ARAP2: variants seen among roughly 807,000 people sequenced by gnomAD.
ARAP2 encodes ArfGAP with RhoGAP domain, ankyrin repeat and PH domain 2, also known as arf-GAP with Rho-GAP domain, ANK repeat and PH domain-containing protein 2.
ARAP2 carries 148 observed loss-of-function variants against 194.5 expected under a neutral mutation model. The ratio of observed to expected loss-of-function variants is 0.76; its 90% CI spans 0.67 to 0.87. The LOEUF (loss-of-function observed/expected upper bound fraction) is 0.87, where lower values mean the gene tolerates loss of function less well. Ranked by LOEUF, ARAP2 falls within the 40% of genes least tolerant of loss-of-function variation. The pLI is 0.00. For missense variants in ARAP2, 2,128 were observed against 1,989.7 expected, an observed-to-expected ratio of 1.07 and a Z score of -1.32; for synonymous variants, 695 against 683.5, an observed-to-expected ratio of 1.02 and a Z score of -0.26.
Position 36,121,266 on chromosome 4 carries a change from T to C in ARAP2, c.3807A>G (p.Ser1269=), listed in dbSNP as rs759761774. 1.3e-5 allele frequency: 21 copies of C among 1,606,248 alleles called. No individual in the cohort carries two copies. Among genetic ancestry groups the C allele is most frequent in the Non-Finnish European group, 1.6e-5 (19 of 1,175,496 alleles). Residue 1269 remains serine, a synonymous_variant, in exon 23 of 33, where the codon TCA becomes TCG. Transcript: ENST00000303965. ...GTCCCTTCGTTTGAAACAAACAGGATGAAAAGACCAAGGCCAAATTATGGG... is the reference window on the plus strand; with the variant it reads ...GTCCCTTCGTTTGAAACAAACAGGACGAAAAGACCAAGGCCAAATTATGGG... ...MNAHNLALVF[S]SCLFQTKGQT... is the part of the protein sequence containing the mutation.
intron 5 of ARAP2, among the ~76,000 whole-genome samples, chr4:36,021,060 T>C (rs1343366789): frequency 2.0e-5 from 3 of 152,196 alleles, no homozygotes; most frequent in Non-Finnish European, 2.9e-5. Context: ...GAAGGAAAGA[T>C]GATACGTATC....
chr4:36,205,161 C>T (rs10009616), intron 6 of ARAP2, among the ~76,000 whole-genome samples: 131,936 of 151,726 alleles, frequency 0.87, 57,519 homozygotes, highest in East Asian at 0.95. Context: ...AAATTACAGA[C>T]ATCTAAATAT....
At chr4:36,130,879 T>C (rs2109600290) in intron 20 of ARAP2, among the ~76,000 whole-genome samples, 1 of 151,958 alleles carries the variant, frequency 6.6e-6, no homozygotes, top group South Asian at 2.1e-4. Context: ...GCTGAATGAA[T>C]TTCTAATAGC....
At chr4:36,037,432 T>G (rs1489156860) in intron 5 of ARAP2, among the ~76,000 whole-genome samples, 1 of 152,168 alleles carries the variant, frequency 6.6e-6, no homozygotes, top group Non-Finnish European at 1.5e-5. Flanking sequence ...CTCCCCCTAG[T>G]CTTCTTTCCC....
intron 2 of ARAP2, among the ~76,000 whole-genome samples, chr4:36,225,447 G>C (rs556262661): frequency 3.6e-4 from 55 of 152,080 alleles, no homozygotes; most frequent in African/African-American, 1.3e-3. Flanking sequence ...TTTCTGCTTG[G>C]AGGGCTCCCA....
intron 6 of ARAP2, among the ~76,000 whole-genome samples, chr4:36,198,010 G>A (rs1743514341): frequency 6.6e-6 from 1 of 152,188 alleles, no homozygotes; most frequent in African/African-American, 2.4e-5. Flanking sequence ...CCCTGTTTGT[G>A]TTACAGCTCT....
downstream of ARAP2, among the ~76,000 whole-genome samples, chr4:36,063,596 T>G (rs1359647101): frequency 6.6e-6 from 1 of 152,198 alleles, no homozygotes; most frequent in Non-Finnish European, 1.5e-5. Context: ...CCCTTTCCTC[T>G]TCCTGCTACC....
intron 1 of ARAP2, among the ~76,000 whole-genome samples, chr4:36,232,726 C>T (rs1233448877): frequency 1.3e-5 from 2 of 152,124 alleles, no homozygotes; most frequent in Non-Finnish European, 2.9e-5. Context: ...CTTATCAACC[C>T]CTCAAAATAG....
chr4:36,211,332 G>A (rs942252341), intron 5 of ARAP2, among the ~76,000 whole-genome samples: 4 of 152,100 alleles, frequency 2.6e-5, no homozygotes, highest in African/African-American at 7.2e-5. Flanking sequence ...TGTACATTCA[G>A]GAAGTAAAAG....
In ARAP2 at chr4:36,156,887, A is replaced by G. The variant is rs554973758; in HGVS notation, c.2752+1843T>C. 3.3e-5 allele frequency among the ~76,000 whole-genome samples: 5 copies of G among 152,354 alleles called. No homozygotes were observed. In the South Asian group the frequency reaches 1.0e-3, roughly 32 times the overall value. On this transcript the variant is annotated intron_variant, in intron 15 of 32. Transcript: ENST00000303965. ...AAAAATATCCCTAGTTAAATTACAT[A>G]TACAGATAACGCATCAGTTTCTTTT...
At chr4:36,034,032 C>A (rs1028155689) in intron 5 of ARAP2, among the ~76,000 whole-genome samples, 2 of 152,034 alleles carry the variant, frequency 1.3e-5, no homozygotes, top group Admixed American at 1.3e-4. Context: ...TAGTAGCATG[C>A]TGTTTTGGTC....
At chr4:36,032,941 C>G (rs1334401873) in intron 5 of ARAP2, among the ~76,000 whole-genome samples, 1 of 152,146 alleles carries the variant, frequency 6.6e-6, no homozygotes, top group East Asian at 1.9e-4. Flanking sequence ...CCTTTCTGTT[C>G]CTGCATTAGT....
At chr4:36,144,587 G>A (rs1315135781) in intron 19 of ARAP2, among the ~76,000 whole-genome samples, 2 of 151,750 alleles carry the variant, frequency 1.3e-5, no homozygotes, top group Non-Finnish European at 1.5e-5. Context: ...AACACAATCT[G>A]ACATAAATAT....
intron 5 of ARAP2, among the ~76,000 whole-genome samples, chr4:36,030,025 A>AT (rs1040304952): frequency 2.0e-5 from 3 of 151,920 alleles, no homozygotes; most frequent in Non-Finnish European, 2.9e-5. Flanking sequence ...TGTAATCTTA[A>AT]TTTTTTTGCC....
At chr4:36,071,081 C>T (rs889480176) in intron 32 of ARAP2, among the ~76,000 whole-genome samples, 4 of 151,918 alleles carry the variant, frequency 2.6e-5, no homozygotes, top group Admixed American at 6.6e-5. Context: ...ATTCTTTGCT[C>T]GTTATTTTTG....
intron 31 of ARAP2, among the ~76,000 whole-genome samples, chr4:36,077,213 C>T (rs958973076): frequency 5.3e-5 from 8 of 152,126 alleles, no homozygotes; most frequent in South Asian, 4.2e-4. Context: ...AACTGGAAAG[C>T]CCATTTGCAT....
chr4:36,009,164 C>A (rs1168410619), intron 9 of ARAP2, among the ~76,000 whole-genome samples: 1 of 152,066 alleles, frequency 6.6e-6, no homozygotes, highest in Non-Finnish European at 1.5e-5. Flanking sequence ...ATGAATTGAA[C>A]TACCATTTGA....
chr4:36,125,720 T>C (rs974573928), intron 21 of ARAP2, among the ~76,000 whole-genome samples: 13 of 151,954 alleles, frequency 8.6e-5, no homozygotes, highest in African/African-American at 3.1e-4. Flanking sequence ...CCCCCAAAGA[T>C]CTAAACTCTC....
rs1241197069 is a variant in ARAP2 at position 36,067,109 on chromosome 4, T to C, written c.*798A>G. 3.3e-5 allele frequency: 5 copies of C among 152,272 alleles called. No homozygotes were observed. The South Asian group carries it at 1.0e-3, about 31-fold the overall frequency. 9.4% of individuals were successfully genotyped at this position (152,272 alleles called of 1,614,324 possible). A position where few individuals can be genotyped will look rare whatever the true frequency, so the allele number is the denominator to read the frequency against. On this transcript the variant is annotated 3_prime_UTR_variant, in exon 33 of 33. Coordinates refer to ENST00000303965, the MANE Select transcript of ARAP2 (RefSeq NM_015230.4). ...GGTCCTGTGTACACAACCTCTCCAA[T>C]GCAGTGTAAGTTTCCTCTTAGCAGC...
Sources: gnomAD v4.1 joint callset for allele counts (sites outside exome capture counted in the v4.1 genomes callset) on GRCh38, gnomAD v4.1.1 for gene constraint, MANE v1.5 for transcripts, NCBI Gene and HGNC (gene_info 2026-07-23, HGNC 2026-07-21) for gene names.